The following PABPC1L variants were observed in gnomAD, a reference collection of about 807,000 sequenced individuals.
PABPC1L encodes poly(A) binding protein cytoplasmic 1 like, also known as polyadenylate-binding protein 1-like.
Under a neutral mutation model 66.6 loss-of-function variants are expected in PABPC1L, and 31 were observed. That is an observed-to-expected ratio of 0.47 (90% confidence interval 0.35 to 0.63). PABPC1L has a LOEUF of 0.63. Among genes scored for constraint, PABPC1L ranks in the 20% least tolerant of loss-of-function variants. The probability of loss-of-function intolerance (pLI) is 0.00; values close to 1 mark genes in which losing one functional copy is unlikely to be tolerated. For missense variants in PABPC1L, 722 were observed against 848.8 expected, an observed-to-expected ratio of 0.85 and a Z score of 1.86; for synonymous variants, 348 against 335.1, an observed-to-expected ratio of 1.04 and a Z score of -0.42.
At chr20:44,921,140 C>A (rs2066769927) in intron 5 of PABPC1L, among the ~76,000 whole-genome samples, 1 of 141,896 alleles carries the variant, frequency 7.0e-6, no homozygotes, top group Non-Finnish European at 1.5e-5. Context: ...AAAATACAGC[C>A]CCAGTCCGAA....
intron 9 of PABPC1L, chr20:44,932,659 A>G: frequency 1.9e-6 from 1 of 519,064 alleles, no homozygotes; most frequent in Middle Eastern, 5.0e-4. Flanking sequence ...ACCAGCAGTC[A>G]TCACCAAAGA....
chr20:44,921,662 C>T lies in PABPC1L; in HGVS notation c.807C>T (p.Arg269=), dbSNP rs201460299. 15 of 1,614,032 alleles carry T rather than the reference C, an allele frequency of 9.3e-6. No individual in the cohort carries two copies. Among genetic ancestry groups the T allele is most frequent in the Non-Finnish European group, 1.1e-5 (13 of 1,179,986 alleles). The change falls in exon 6 of 15, where the codon CGC becomes CGT. Residue 269 remains arginine (R), a synonymous_variant. Coordinates refer to ENST00000217073, the MANE Select transcript of PABPC1L (RefSeq NM_001372179.1). The part of the protein sequence containing the change: ...RLLYAGRAQK[R]VERQNELKRR... ...TGTACGCGGGCCGGGCCCAAAAGCG[C>T]GTGGAGCGGCAGAATGAACTGAAGC...
chr20:44,927,502 C>T (rs1429852224), intron 7 of PABPC1L, among the ~76,000 whole-genome samples: 1 of 151,932 alleles, frequency 6.6e-6, no homozygotes, highest in East Asian at 1.9e-4. Flanking sequence ...CGCCTCTCAC[C>T]ATGCCCAGCT....
Position 44,919,001 on chromosome 20 carries a change from TG to T in PABPC1L, c.601del (p.Asp201MetfsTer18). 6.2e-7 allele frequency: 1 copy of T among 1,613,506 alleles called. No individual in the cohort carries two copies. The highest frequency in any genetic ancestry group is 8.5e-7 in the Non-Finnish European group (1 of 1,179,742). On this transcript the variant is annotated frameshift_variant, in exon 4 of 15. Coordinates refer to ENST00000217073, the MANE Select transcript of PABPC1L (RefSeq NM_001372179.1). LOFTEE classifies it high-confidence loss of function. ...AACATCTACGTGAAGAACCTCCCGGTGGATGTGGACGAGCAAGGCCTGCAGG... is the reference window on the plus strand; with the variant it reads ...AACATCTACGTGAAGAACCTCCCGGTGATGTGGACGAGCAAGGCCTGCAGG... ...FTNIYVKNLP[V>X]DVDEQGLQDL...
chr20:44,921,202 T>C (rs2066770677), intron 5 of PABPC1L, among the ~76,000 whole-genome samples: 1 of 148,992 alleles, frequency 6.7e-6, no homozygotes, highest in Admixed American at 6.7e-5. Context: ...CAGGCTGGAG[T>C]GCAATGGCGT....
intron 2 of PABPC1L, 115 bp from the exon 3 acceptor site, chr20:44,916,641 A>G (rs2066739426): frequency 4.4e-6 from 4 of 919,282 alleles, no homozygotes; most frequent in South Asian, 4.3e-5. Flanking sequence ...AACATGCAGG[A>G]TTGCCTTTTC....
intron 6 of PABPC1L, among the ~76,000 whole-genome samples, chr20:44,922,714 G>C (rs1288757645): frequency 1.3e-5 from 2 of 152,180 alleles, no homozygotes; most frequent in Non-Finnish European, 2.9e-5. Flanking sequence ...TTCATGGAGA[G>C]GGGCATATAA....
chr20:44,935,083 A>AG (rs1420974158), intron 10 of PABPC1L, among the ~76,000 whole-genome samples: 2 of 151,620 alleles, frequency 1.3e-5, no homozygotes, highest in African/African-American at 4.9e-5. Flanking sequence ...AAAAAAAAAA[A>AG]AGAAAGAAAA....
At chr20:44,926,177 G>T (rs1210034253) in intron 7 of PABPC1L, among the ~76,000 whole-genome samples, 1 of 152,182 alleles carries the variant, frequency 6.6e-6, no homozygotes, top group Non-Finnish European at 1.5e-5. Context: ...CACACCTGGG[G>T]TGACCATCTT....
intron 7 of PABPC1L, among the ~76,000 whole-genome samples, chr20:44,928,696 A>G (rs2066827431): frequency 6.6e-6 from 1 of 151,856 alleles, no homozygotes; most frequent in South Asian, 2.1e-4. Flanking sequence ...ATGAGACCTC[A>G]TCTTTACAAA....
chr20:44,926,232 A>G (rs1447270188), intron 7 of PABPC1L, among the ~76,000 whole-genome samples: 1 of 152,018 alleles, frequency 6.6e-6, no homozygotes, highest in Non-Finnish European at 1.5e-5. Context: ...AAATATATCT[A>G]TTTTTTGTGT....
chr20:44,924,593 G>A (rs1003118861), intron 7 of PABPC1L, among the ~76,000 whole-genome samples: 2 of 152,224 alleles, frequency 1.3e-5, no homozygotes, highest in Non-Finnish European at 2.9e-5. Context: ...CTCTGCCAGT[G>A]ACATTACCCT....
intron 1 of PABPC1L, among the ~76,000 whole-genome samples, chr20:44,911,264 G>C (rs1455642101): frequency 6.6e-6 from 1 of 152,134 alleles, no homozygotes; most frequent in African/African-American, 2.4e-5. Context: ...AGGAGTTCGA[G>C]ACCAGCCTGG....
rs777782039 is a variant in PABPC1L at position 44,910,170 on chromosome 20, G to C, written c.27G>C (p.Pro9=). The part of the protein sequence containing the change: MNASGSGY[P]LASLYVGDLH... ...TGAACGCCAGCGGTTCTGGCTACCC[G>C]CTTGCCTCGCTTTACGTGGGCGATC... is the stretch of plus-strand genomic sequence containing the variant. The change falls in exon 1 of 15, where the codon CCG becomes CCC. Residue 9 remains proline, a synonymous_variant. Transcript: ENST00000217073. 1.1e-4 allele frequency: 175 copies of C among 1,575,046 alleles called. No homozygotes were observed. Among genetic ancestry groups the C allele is most frequent in the Non-Finnish European group, 1.2e-4 (141 of 1,160,890 alleles).
At chr20:44,919,348 GC>G (rs2066758227) in intron 5 of PABPC1L, 71 bp downstream of exon 5, 2 of 1,514,160 alleles carry the variant, frequency 1.3e-6, no homozygotes, top group African/African-American at 2.8e-5. Context: ...GGTCCCAGCT[GC>G]CTGTGGAGGG....
At chr20:44,932,865 T>G in intron 9 of PABPC1L, 192 bp from the exon 10 acceptor site, 1 of 583,018 alleles carries the variant, frequency 1.7e-6, no homozygotes, top group East Asian at 2.8e-5. Flanking sequence ...GGCTTTGAAA[T>G]TGTAGATTCC....
chr20:44,935,250 A>G (rs2066892390), intron 10 of PABPC1L, 141 bp from the exon 11 acceptor site: 1 of 642,502 alleles, frequency 1.6e-6, no homozygotes, highest in East Asian at 2.7e-5. Flanking sequence ...ATTCCTACCA[A>G]CAGTGCACAG....
At chr20:44,920,218 G>T (rs1193448276) in intron 5 of PABPC1L, among the ~76,000 whole-genome samples, 5 of 151,948 alleles carry the variant, frequency 3.3e-5, no homozygotes, top group Non-Finnish European at 7.4e-5. Context: ...CTAGGGGTTT[G>T]GACAAATGCA....
chr20:44,916,652 C>T (rs1174386892), intron 2 of PABPC1L, 104 bp from the exon 3 acceptor site: 3 of 1,065,750 alleles, frequency 2.8e-6, no homozygotes, highest in Admixed American at 3.5e-5. Flanking sequence ...TTGCCTTTTC[C>T]AGGCACAGCA....
Sources: allele counts gnomAD v4.1 joint callset (sites outside exome capture counted in the v4.1 genomes callset), GRCh38; gene constraint gnomAD v4.1.1; transcripts MANE v1.5; gene names NCBI Gene and HGNC (gene_info 2026-07-23, HGNC 2026-07-21).